GALNT17: variants seen among roughly 807,000 people sequenced by gnomAD.
The protein encoded by GALNT17 is polypeptide N-acetylgalactosaminyltransferase 17, also known as UDP-GalNAc:polypeptide N-acetylgalactosaminyltransferase-like 3.
Under a neutral mutation model 63.7 loss-of-function variants are expected in GALNT17, and 29 were observed. The ratio of observed to expected loss-of-function variants is 0.46; its 90% CI spans 0.34 to 0.62. The LOEUF (loss-of-function observed/expected upper bound fraction) is 0.62, where lower values mean the gene tolerates loss of function less well. GALNT17 is among the 20% of genes least tolerant of loss of function. The pLI, the probability that GALNT17 is intolerant of heterozygous loss-of-function variation, is 0.01. For synonymous variants in GALNT17, 305 were observed against 318.3 expected (o/e 0.96, Z 0.45); for missense variants, 603 against 799.6 (o/e 0.75, Z 2.97).
chr7:71,423,900 C>A (rs1786711459), intron 5 of GALNT17, among the ~76,000 whole-genome samples: 1 of 151,982 alleles, frequency 6.6e-6, no homozygotes, highest in African/African-American at 2.4e-5. Flanking sequence ...CCAGCCTGGG[C>A]AATAGAAGGA....
chr7:71,401,492 C>G (rs945924238), intron 3 of GALNT17, among the ~76,000 whole-genome samples: 1 of 152,180 alleles, frequency 6.6e-6, no homozygotes, highest in African/African-American at 2.4e-5. Flanking sequence ...ACCCCCCAGG[C>G]CATAAACTGG....
intron 5 of GALNT17, among the ~76,000 whole-genome samples, chr7:71,512,623 G>C (rs891874201): frequency 3.3e-5 from 5 of 152,196 alleles, no homozygotes; most frequent in African/African-American, 1.2e-4. Context: ...ATGAACGTGA[G>C]AGACCATTGA....
At chr7:71,518,520 G>A (rs988852599) in intron 5 of GALNT17, among the ~76,000 whole-genome samples, 7 of 152,148 alleles carry the variant, frequency 4.6e-5, no homozygotes, top group Non-Finnish European at 7.3e-5. Flanking sequence ...CATTAATCAC[G>A]CAAGAGACAC....
At chr7:71,201,927 C>T (rs1789181627) in intron 1 of GALNT17, among the ~76,000 whole-genome samples, 1 of 152,222 alleles carries the variant, frequency 6.6e-6, no homozygotes. Context: ...GCCACTGCGC[C>T]TGGCCTACTT....
intron 1 of GALNT17, among the ~76,000 whole-genome samples, chr7:71,164,718 A>T (rs1174302875): frequency 1.3e-5 from 2 of 152,200 alleles, no homozygotes; most frequent in African/African-American, 4.8e-5. Context: ...TGCATGTGAC[A>T]AGGTACTTAT....
At chr7:71,264,264 T>C (rs1235157106) in intron 1 of GALNT17, among the ~76,000 whole-genome samples, 3 of 152,122 alleles carry the variant, frequency 2.0e-5, no homozygotes, top group Non-Finnish European at 2.9e-5. Context: ...GCCCTCTTAG[T>C]TTGACAGCTG....
At chr7:71,319,735 A>G (rs977790984) in intron 1 of GALNT17, among the ~76,000 whole-genome samples, 1 of 152,140 alleles carries the variant, frequency 6.6e-6, no homozygotes, top group Admixed American at 6.5e-5. Flanking sequence ...CCAACATTCA[A>G]CATCCTTTGT....
Position 71,573,049 on chromosome 7 carries a change from G to A in GALNT17, c.1080+1647G>A, listed in dbSNP as rs369297487. ...ATTTGAGATGAAGTCTTGCTTTGTT[G>A]CCCAGGCTGGGTGCAGTGGTGTGAT... is the stretch of plus-strand genomic sequence containing the variant. On this transcript the variant is annotated intron_variant, in intron 6 of 10. Coordinates refer to ENST00000333538, the MANE Select transcript of GALNT17 (RefSeq NM_022479.3). Among the ~76,000 whole-genome samples the A allele has an allele frequency of 2.8e-4, 43 of 151,670 alleles. No homozygotes were observed. The East Asian group carries it at 7.4e-3, about 26-fold the overall frequency.
Position 71,335,632 on chromosome 7 carries a change from A to G in GALNT17, c.321A>G (p.Glu107=). ...TTCCGGCTACTCTTTCCCCGGCTGAAGAAGAAAAGGCTAAGGGACCCCATG... is the reference window on the plus strand; with the variant it reads ...TTCCGGCTACTCTTTCCCCGGCTGAGGAAGAAAAGGCTAAGGGACCCCATG... ...GGLPATLSPA[E]EEKAKGPHEK... is the part of the protein sequence containing the mutation. Residue 107 remains glutamate, a synonymous_variant, in exon 2 of 11, where the codon GAA becomes GAG. Coordinates refer to ENST00000333538, the MANE Select transcript of GALNT17 (RefSeq NM_022479.3). 6.2e-7 allele frequency: 1 copy of G among 1,613,144 alleles called. No homozygotes were observed. Among genetic ancestry groups the G allele is most frequent in the Admixed American group, 1.7e-5 (1 of 59,934 alleles).
intron 1 of GALNT17, among the ~76,000 whole-genome samples, chr7:71,244,976 A>T (rs1790067445): frequency 6.6e-6 from 1 of 151,998 alleles, no homozygotes; most frequent in Admixed American, 6.5e-5. Context: ...AACCAAAAAA[A>T]ACCTCTGTCT....
intron 9 of GALNT17, among the ~76,000 whole-genome samples, chr7:71,704,808 T>C (rs1393783626): frequency 1.3e-5 from 2 of 152,000 alleles, no homozygotes; most frequent in African/African-American, 2.4e-5. Context: ...GACACAGATA[T>C]CCACATGAAA....
At chr7:71,136,179 G>A (rs774831942) in intron 1 of GALNT17, among the ~76,000 whole-genome samples, 4 of 152,162 alleles carry the variant, frequency 2.6e-5, no homozygotes, top group Non-Finnish European at 5.9e-5. Flanking sequence ...GCAGTGGGAG[G>A]CTGCTCCGAG....
intron 3 of GALNT17, among the ~76,000 whole-genome samples, chr7:71,397,104 T>C (rs976486662): frequency 5.3e-5 from 8 of 152,310 alleles, no homozygotes; most frequent in African/African-American, 1.7e-4. Flanking sequence ...ATACTTTCTA[T>C]TTTTCTTGCT....
intron 9 of GALNT17, among the ~76,000 whole-genome samples, chr7:71,704,108 G>T: frequency 6.6e-6 from 1 of 152,112 alleles, no homozygotes; most frequent in African/African-American, 2.4e-5. Context: ...CCTGTCCCTG[G>T]CTGTGTGAAA....
chr7:71,316,194 ATCTGTGGGTCTGATCAGGATCCT>A (rs1791495794), intron 1 of GALNT17, among the ~76,000 whole-genome samples: 1 of 59,246 alleles, frequency 1.7e-5, no homozygotes, highest in Non-Finnish European at 5.0e-5. Context: ...TGGGGTCCTG[ATCTGTGGGTCTGATCAGGATCCT>A]GATCTGTGGG....
intron 6 of GALNT17, among the ~76,000 whole-genome samples, chr7:71,605,667 G>A (rs760397215): frequency 3.3e-5 from 5 of 152,052 alleles, no homozygotes; most frequent in Non-Finnish European, 7.4e-5. Context: ...TTACAATAAG[G>A]TGTCATTAGC....
intron 2 of GALNT17, among the ~76,000 whole-genome samples, chr7:71,378,771 G>T (rs1187632037): frequency 6.6e-6 from 1 of 151,844 alleles, no homozygotes; most frequent in Non-Finnish European, 1.5e-5. Context: ...ATTGCTTGAG[G>T]TCAGGAGTTG....
chr7:71,298,080 G>T (rs529017785), intron 1 of GALNT17, among the ~76,000 whole-genome samples: 1 of 152,140 alleles, frequency 6.6e-6, no homozygotes, highest in Non-Finnish European at 1.5e-5. Flanking sequence ...GGGTGCAGAG[G>T]CACAATCTTG....
Position 71,486,375 on chromosome 7 carries a change from AT to A in GALNT17, c.962+65271del, listed in dbSNP as rs1563128902. On this transcript the variant is annotated intron_variant, in intron 5 of 10. Transcript: ENST00000333538. ...AATAATAATAATAATAATAATAATA[AT>A]AATAATAATAATAGTAAATAATATA... Among the ~76,000 whole-genome samples, 16 of 130,168 alleles carry A rather than the reference AT, an allele frequency of 1.2e-4. No homozygotes were observed. In the East Asian group the frequency reaches 3.1e-3, roughly 25 times the overall value. 85.4% of individuals were successfully genotyped at this position (130,168 alleles called of 152,430 possible). A position where few individuals can be genotyped will look rare whatever the true frequency, so the allele number is the denominator to read the frequency against.
Sources: allele counts gnomAD v4.1 joint callset (sites outside exome capture counted in the v4.1 genomes callset), GRCh38; gene constraint gnomAD v4.1.1; transcripts MANE v1.5; gene names NCBI Gene and HGNC (gene_info 2026-07-23, HGNC 2026-07-21).